Variants in RASSF4 observed in about 807,000 individuals in gnomAD.
The protein encoded by RASSF4 is ras association domain-containing protein 4.
A neutral mutation model predicts 41.1 loss-of-function variants in RASSF4; 38 were observed. The ratio of observed to expected loss-of-function variants is 0.92; its 90% CI spans 0.71 to 1.21. The LOEUF (loss-of-function observed/expected upper bound fraction) is 1.21. Among genes scored for constraint, RASSF4 ranks in the 50% most tolerant of loss-of-function variants. The pLI is 0.00. For synonymous variants in RASSF4, 179 were observed against 163.4 expected (o/e 1.10, Z -0.73); for missense variants, 414 against 419.4 (o/e 0.99, Z 0.11).
At chr10:44,966,856 T>C (rs1840922294) in intron 1 of RASSF4, among the ~76,000 whole-genome samples, 1 of 152,226 alleles carries the variant, frequency 6.6e-6, no homozygotes, top group South Asian at 2.1e-4. Context: ...ATGACCCTTA[T>C]TTTAACAGTT....
At chr10:44,981,448 AGTTT>A (rs1841705038) in intron 3 of RASSF4, 1 of 152,196 alleles carries the variant, frequency 6.6e-6, no homozygotes, top group East Asian at 1.9e-4. Context: ...TGCACTGAAC[AGTTT>A]GTTTAGAGGG....
At chr10:44,961,785 C>A (rs1214697486) in intron 1 of RASSF4, among the ~76,000 whole-genome samples, 1 of 152,226 alleles carries the variant, frequency 6.6e-6, no homozygotes, top group South Asian at 2.1e-4. Context: ...CAGAGCCAGG[C>A]AGTCACAGAG....
chr10:44,984,998 G>A (rs760389251), intron 6 of RASSF4, 28 bp downstream of exon 6: 3 of 1,595,788 alleles, frequency 1.9e-6, no homozygotes, highest in Non-Finnish European at 2.6e-6. Flanking sequence ...CCTCTCCCCT[G>A]GGCGCATGGG....
chr10:44,964,819 A>C (rs1057108870), intron 1 of RASSF4, among the ~76,000 whole-genome samples: 1 of 152,164 alleles, frequency 6.6e-6, no homozygotes, highest in Admixed American at 6.5e-5. Flanking sequence ...TGTCTTTCAG[A>C]CACCCCTTAG....
chr10:44,962,698 C>G (rs2132758797), intron 1 of RASSF4, among the ~76,000 whole-genome samples: 1 of 152,336 alleles, frequency 6.6e-6, no homozygotes, highest in Non-Finnish European at 1.5e-5. Context: ...AAAACCATAG[C>G]TAAGAAGATC....
chr10:44,971,912 T>C, intron 3 of RASSF4, 64 bp downstream of exon 3: 1 of 1,152,062 alleles, frequency 8.7e-7, no homozygotes, highest in Non-Finnish European at 1.3e-6. Flanking sequence ...CTGATACCTG[T>C]TGTTTCAGGG....
chr10:44,989,709 C>A lies in RASSF4; in HGVS notation c.673C>A (p.His225Asn). 1.2e-6 allele frequency: 2 copies of A among 1,614,132 alleles called. No individual in the cohort carries two copies. Among genetic ancestry groups the A allele is most frequent in the Non-Finnish European group, 1.7e-6 (2 of 1,179,972 alleles). Reference sequence around the variant, plus strand: ...CAGTGAGTTCGCACTCTACATCGTTCACGAGTCTGGGGGTAAGTACCTGCC... The same window carrying A: ...CAGTGAGTTCGCACTCTACATCGTTAACGAGTCTGGGGGTAAGTACCTGCC... ...GPSEFALYIV[H>N]ESGERTKLKD... Residue 225 changes from histidine to asparagine, a missense_variant, in exon 8 of 11, where the codon CAC (histidine) becomes AAC (asparagine). His to Asn is a moderately conservative substitution (Grantham distance 68). Transcript: ENST00000340258.
intron 3 of RASSF4, among the ~76,000 whole-genome samples, chr10:44,974,735 C>T (rs1841328364): frequency 1.3e-5 from 2 of 152,182 alleles, no homozygotes; most frequent in South Asian, 4.1e-4. Flanking sequence ...TGGGCAGGGC[C>T]ACGCTCTGGG....
chr10:44,988,247 C>G (rs889389448), intron 6 of RASSF4, among the ~76,000 whole-genome samples: 5 of 152,098 alleles, frequency 3.3e-5, no homozygotes, highest in Non-Finnish European at 7.4e-5. Context: ...GCCTCTGATT[C>G]CTTTCTAAGA....
At chr10:44,991,612 C>T (rs777780812) in intron 9 of RASSF4, among the ~76,000 whole-genome samples, 5 of 152,218 alleles carry the variant, frequency 3.3e-5, no homozygotes, top group Non-Finnish European at 7.3e-5. Context: ...CACCTCCCTA[C>T]CCCCTAGCCC....
chr10:44,994,920 A>G lies in RASSF4; in HGVS notation c.*1591A>G, dbSNP rs1842241222. On this transcript the variant is annotated 3_prime_UTR_variant, in exon 11 of 11. Coordinates refer to ENST00000340258, the MANE Select transcript of RASSF4 (RefSeq NM_032023.4). The stretch of plus-strand genomic sequence containing the variant: ...GGGTGGAGCCTGAGGAGAGGCTGCC[A>G]TGGAACACGCAGGCGTCACTGGTGG... The G allele has an allele frequency of 6.6e-6, 1 of 152,080 alleles. No individual in the cohort carries two copies. Among genetic ancestry groups the G allele is most frequent in the Non-Finnish European group, 1.5e-5 (1 of 68,038 alleles). 9.4% of individuals were successfully genotyped at this position (152,080 alleles called of 1,614,324 possible). A position where few individuals can be genotyped will look rare whatever the true frequency, so the allele number is the denominator to read the frequency against.
At position 44,992,008 on chromosome 10, in the gene RASSF4, C is replaced by T. The variant is rs753529607; in HGVS notation, c.905+6C>T. The T allele has an allele frequency of 7.0e-6, 11 of 1,573,010 alleles. No homozygotes were observed. In the Admixed American group the frequency reaches 1.5e-4, roughly 21 times the overall value. On this transcript the variant is annotated splice_donor_region_variant and intron_variant, in intron 10 of 10. Coordinates refer to ENST00000340258, the MANE Select transcript of RASSF4 (RefSeq NM_032023.4). The stretch of plus-strand genomic sequence containing the variant: ...ATAATCAAACTGACCATGAAGTAAG[C>T]AGCACTTAAACAGACAGTCATGGGT...
In RASSF4 at chr10:44,982,631, C is replaced by A. The variant is rs34535690; in HGVS notation, c.249C>A (p.Thr83=). ...GGGAGCAGGTGCACCTCCCCTCCAC[C>A]TCATGGATGCCCAGACGGCCTAGCT... ...DDREQVHLPS[T]SWMPRRPSCP... is the part of the protein sequence containing the mutation. Residue 83 remains threonine, a synonymous_variant, in exon 4 of 11, where the codon ACC becomes ACA. Coordinates refer to ENST00000340258, the MANE Select transcript of RASSF4 (RefSeq NM_032023.4). 2.5e-6 allele frequency: 4 copies of A among 1,613,500 alleles called. No individual in the cohort carries two copies. The South Asian group carries it at 4.4e-5, about 18-fold the overall frequency.
At chr10:44,977,503 T>G (rs1841489799) in intron 3 of RASSF4, 1 of 1,613,278 alleles carries the variant, frequency 6.2e-7, no homozygotes, top group Admixed American at 1.7e-5. Context: ...AAGTCCAGCT[T>G]CTTAGGTCAG....
At chr10:44,986,836 C>G (rs1159922681) in intron 6 of RASSF4, among the ~76,000 whole-genome samples, 1 of 152,226 alleles carries the variant, frequency 6.6e-6, no homozygotes, top group Non-Finnish European at 1.5e-5. Context: ...CAGTCATTTT[C>G]CAAAACTGTT....
intron 1 of RASSF4, among the ~76,000 whole-genome samples, chr10:44,962,370 G>T (rs929333075): frequency 1.3e-5 from 2 of 152,230 alleles, no homozygotes; most frequent in African/African-American, 4.8e-5. Flanking sequence ...GTGTTTGCAC[G>T]TGGATGCAGA....
At chr10:44,969,000 ATGTG>A (rs149854763) in intron 1 of RASSF4, among the ~76,000 whole-genome samples, 18 of 149,046 alleles carry the variant, frequency 1.2e-4, no homozygotes, top group South Asian at 6.4e-4. Context: ...GTGTTTGTGT[ATGTG>A]TGTGTGTGTG....
intron 2 of RASSF4, 174 bp from the exon 3 acceptor site, chr10:44,971,599 A>G (rs1485710110): frequency 4.3e-6 from 3 of 703,928 alleles, no homozygotes; most frequent in Middle Eastern, 2.3e-4. Context: ...CATGTGCAGA[A>G]CCATCCGGGT....
intron 7 of RASSF4, 49 bp downstream of exon 7, chr10:44,989,424 A>G: frequency 7.4e-7 from 1 of 1,353,212 alleles, no homozygotes; most frequent in Admixed American, 1.7e-5. Flanking sequence ...GTGGTCTGCT[A>G]TTCTGTTGGG....
Sources: allele counts gnomAD v4.1 joint callset (sites outside exome capture counted in the v4.1 genomes callset), GRCh38; gene constraint gnomAD v4.1.1; transcripts MANE v1.5; gene names NCBI Gene and HGNC (gene_info 2026-07-23, HGNC 2026-07-21).